The following FAT3 variants were observed in gnomAD, a reference collection of about 807,000 sequenced individuals.
FAT3 encodes FAT atypical cadherin 3.
Under a neutral mutation model 310.2 loss-of-function variants are expected in FAT3, and 95 were observed. That is an observed-to-expected ratio of 0.31 (90% CI 0.26 to 0.36). FAT3 has a LOEUF of 0.36. Among genes scored for constraint, FAT3 ranks in the 10% least tolerant of loss-of-function variants. FAT3 has a pLI of 1.00. For missense variants in FAT3, 5,408 were observed against 5,715.6 expected (o/e 0.95, Z 1.74); for synonymous variants, 2,314 against 2,192.9 (o/e 1.06, Z -1.54).
At chr11:92,483,654 C>G (rs2135203153) in intron 2 of FAT3, among the ~76,000 whole-genome samples, 1 of 152,172 alleles carries the variant, frequency 6.6e-6, no homozygotes, top group East Asian at 1.9e-4. Flanking sequence ...TTATTAAACA[C>G]CTCTTCTATG....
chr11:92,552,505 A>G (rs1011141070), intron 3 of FAT3, among the ~76,000 whole-genome samples: 2 of 152,196 alleles, frequency 1.3e-5, no homozygotes, highest in African/African-American at 4.8e-5. Context: ...TATATTTACT[A>G]TTGCCAATAA....
intron 2 of FAT3, among the ~76,000 whole-genome samples, chr11:92,438,528 A>G (rs1950997187): frequency 1.3e-5 from 2 of 152,230 alleles, no homozygotes; most frequent in South Asian, 4.1e-4. Flanking sequence ...TTGTGCGACT[A>G]TCACCAGTTT....
chr11:92,480,557 C>T (rs1029468999), intron 2 of FAT3, among the ~76,000 whole-genome samples: 14 of 152,198 alleles, frequency 9.2e-5, no homozygotes, highest in African/African-American at 3.1e-4. Flanking sequence ...CCCTAGTGAG[C>T]TTACATGAAA....
intron 22 of FAT3, among the ~76,000 whole-genome samples, chr11:92,878,589 A>C (rs552613925): frequency 7.2e-4 from 106 of 147,998 alleles, no homozygotes; most frequent in Non-Finnish European, 1.1e-3. Context: ...CAGACAGATA[A>C]GAGAAGATAC....
intron 3 of FAT3, among the ~76,000 whole-genome samples, chr11:92,568,978 A>G (rs1955574582): frequency 6.6e-6 from 1 of 152,164 alleles, no homozygotes; most frequent in Non-Finnish European, 1.5e-5. Flanking sequence ...TGTCCTCATG[A>G]AAACGAAGGC....
chr11:92,668,656 G>A (rs981108826), intron 3 of FAT3, among the ~76,000 whole-genome samples: 1 of 152,122 alleles, frequency 6.6e-6, no homozygotes, highest in Non-Finnish European at 1.5e-5. Flanking sequence ...CTTCCTGCAG[G>A]ACCTTCATGA....
intron 7 of FAT3, among the ~76,000 whole-genome samples, chr11:92,779,794 T>C (rs1188362904): frequency 6.6e-6 from 1 of 152,102 alleles, no homozygotes; most frequent in African/African-American, 2.4e-5. Flanking sequence ...TCGAATCACA[T>C]GAGCCCTTAA....
intron 13 of FAT3, among the ~76,000 whole-genome samples, chr11:92,813,767 C>A (rs913224154): frequency 3.3e-5 from 5 of 152,220 alleles, no homozygotes; most frequent in African/African-American, 1.2e-4. Context: ...TGCTGAAGAT[C>A]ATTGGCTACA....
At chr11:92,652,702 G>A (rs1269312420) in intron 3 of FAT3, among the ~76,000 whole-genome samples, 2 of 152,192 alleles carry the variant, frequency 1.3e-5, no homozygotes, top group Non-Finnish European at 2.9e-5. Context: ...GCTGGGAAAC[G>A]ATAGCTGTTC....
At chr11:92,348,600 G>A (rs1013623204) in intron 1 of FAT3, among the ~76,000 whole-genome samples, 3 of 152,110 alleles carry the variant, frequency 2.0e-5, no homozygotes, top group Non-Finnish European at 4.4e-5. Context: ...CCAAAATAAT[G>A]ATAAACCACA....
At chr11:92,433,477 C>T (rs922565177) in intron 2 of FAT3, among the ~76,000 whole-genome samples, 1 of 152,086 alleles carries the variant, frequency 6.6e-6, no homozygotes, top group African/African-American at 2.4e-5. Flanking sequence ...CTTTCCTTGG[C>T]TAGGGGAGGG....
chr11:92,716,057 A>G (rs1461574207), intron 4 of FAT3, among the ~76,000 whole-genome samples: 1 of 152,172 alleles, frequency 6.6e-6, no homozygotes, highest in Admixed American at 6.5e-5. Context: ...TTTATCTGGG[A>G]AAAGAGGACT....
At chr11:92,358,640 C>A (rs1464263789) in intron 2 of FAT3, among the ~76,000 whole-genome samples, 1 of 152,088 alleles carries the variant, frequency 6.6e-6, no homozygotes, top group African/African-American at 2.4e-5. Flanking sequence ...ATTTTAGAAT[C>A]TAAGCCCAAG....
intron 11 of FAT3, among the ~76,000 whole-genome samples, chr11:92,805,820 C>T (rs1411755949): frequency 6.6e-6 from 1 of 152,136 alleles, no homozygotes; most frequent in South Asian, 2.1e-4. Flanking sequence ...TTGCAAGGTA[C>T]AAGTACTAGA....
chr11:92,857,168 T>A (rs1473681272), intron 19 of FAT3, 46 bp from the exon 20 acceptor site: 1 of 1,613,314 alleles, frequency 6.2e-7, no homozygotes, highest in Non-Finnish European at 8.5e-7. Flanking sequence ...GAGTGCAGGG[T>A]GAATCCCTTT....
intron 1 of FAT3, among the ~76,000 whole-genome samples, chr11:92,319,051 A>G (rs1947540190): frequency 6.6e-6 from 1 of 152,216 alleles, no homozygotes. Context: ...AGTTGCTTAT[A>G]TGCATGCACT....
chr11:92,423,721 C>T (rs1178255207), intron 2 of FAT3, among the ~76,000 whole-genome samples: 1 of 152,146 alleles, frequency 6.6e-6, no homozygotes, highest in Non-Finnish European at 1.5e-5. Flanking sequence ...AATTGGCTCA[C>T]ATGATTGTGG....
At chr11:92,487,585 G>A (rs1435176319) in intron 2 of FAT3, among the ~76,000 whole-genome samples, 2 of 152,138 alleles carry the variant, frequency 1.3e-5, no homozygotes, top group Non-Finnish European at 2.9e-5. Context: ...TAAAAAGTAG[G>A]TTCCTTGGGA....
chr11:92,651,663 G>C (rs1942384176), intron 3 of FAT3, among the ~76,000 whole-genome samples: 1 of 152,182 alleles, frequency 6.6e-6, no homozygotes, highest in African/African-American at 2.4e-5. Context: ...TTGTATTCAT[G>C]ATGAGAGCAG....
Sources: gnomAD v4.1 joint callset for allele counts (sites outside exome capture counted in the v4.1 genomes callset) on GRCh38, gnomAD v4.1.1 for gene constraint, MANE v1.5 for transcripts, NCBI Gene and HGNC (gene_info 2026-07-23, HGNC 2026-07-21) for gene names.